Variants in IMMP2L observed in about 807,000 individuals in gnomAD.
The protein encoded by IMMP2L is mitochondrial inner membrane protease subunit 2.
Under a neutral mutation model 19.3 loss-of-function variants are expected in IMMP2L, and 18 were observed. That is an observed-to-expected ratio of 0.93 (90% CI 0.64 to 1.38). IMMP2L has a LOEUF of 1.38. Among genes scored for constraint, IMMP2L ranks in the 40% most tolerant of loss-of-function variants. IMMP2L has a pLI of 0.00. For missense variants in IMMP2L, 233 were observed against 218.2 expected (o/e 1.07, Z -0.43); for synonymous variants, 76 against 73.0 (o/e 1.04, Z -0.21).
At chr7:111,076,889 A>G (rs987599449) in intron 3 of IMMP2L, among the ~76,000 whole-genome samples, 1 of 152,190 alleles carries the variant, frequency 6.6e-6, no homozygotes, top group Non-Finnish European at 1.5e-5. Context: ...TCCTCAGGGC[A>G]AAATAAAAGG....
intron 3 of IMMP2L, among the ~76,000 whole-genome samples, chr7:111,192,019 C>G (rs1002284129): frequency 5.9e-5 from 9 of 152,008 alleles, no homozygotes; most frequent in Non-Finnish European, 1.0e-4. Flanking sequence ...TGAGAGCAAA[C>G]AGAAGTCGCA....
At chr7:110,690,333 G>A (rs1358970726) in intron 5 of IMMP2L, among the ~76,000 whole-genome samples, 1 of 152,148 alleles carries the variant, frequency 6.6e-6, no homozygotes, top group East Asian at 1.9e-4. Flanking sequence ...CTTATGGAAG[G>A]AGGAAATTTC....
intron 5 of IMMP2L, among the ~76,000 whole-genome samples, chr7:110,693,830 T>C (rs1793677692): frequency 3.3e-5 from 5 of 152,098 alleles, no homozygotes; most frequent in Admixed American, 3.3e-4. Context: ...GAAATCAGTT[T>C]TGTTTTGTTG....
At chr7:111,364,072 C>T (rs529473343) in intron 3 of IMMP2L, among the ~76,000 whole-genome samples, 1 of 152,020 alleles carries the variant, frequency 6.6e-6, no homozygotes, top group African/African-American at 2.4e-5. Flanking sequence ...TGTACTGTCA[C>T]AGCACTTACC....
chr7:111,462,273 C>T (rs1298949382), intron 3 of IMMP2L, among the ~76,000 whole-genome samples: 1 of 151,930 alleles, frequency 6.6e-6, no homozygotes, highest in Non-Finnish European at 1.5e-5. Flanking sequence ...AATCATTAAA[C>T]AAAGTAATGA....
chr7:111,002,706 A>C (rs372492581), intron 3 of IMMP2L, among the ~76,000 whole-genome samples: 1 of 152,226 alleles, frequency 6.6e-6, no homozygotes, highest in South Asian at 2.1e-4. Flanking sequence ...CCCTGATCAC[A>C]GGTTCTCCAC....
At chr7:111,363,335 C>T (rs1192001057) in intron 3 of IMMP2L, among the ~76,000 whole-genome samples, 1 of 152,016 alleles carries the variant, frequency 6.6e-6, no homozygotes, top group Non-Finnish European at 1.5e-5. Context: ...CTAATTTTAA[C>T]AAAATCTCCA....
chr7:111,291,171 G>C (rs75678276), intron 3 of IMMP2L, among the ~76,000 whole-genome samples: 2,877 of 152,220 alleles, frequency 0.019, 94 homozygotes, highest in African/African-American at 0.066. Context: ...GAAAGACACA[G>C]ATAGTATCTT....
rs921593810 is a variant in IMMP2L at position 111,233,826 on chromosome 7, CCAAA to C, written c.239+253408_239+253411del. Reference sequence around the variant, plus strand: ...ATAGTCTAATGATTATATACCTTTACCAAACAATGTCTAATGAAAGTCCAAATGT... The same window carrying C: ...ATAGTCTAATGATTATATACCTTTACCAATGTCTAATGAAAGTCCAAATGT... On this transcript the variant is annotated intron_variant, in intron 3 of 5. Coordinates refer to ENST00000405709, the MANE Select transcript of IMMP2L (RefSeq NM_032549.4). Among the ~76,000 whole-genome samples, 9 of 151,832 alleles carry C rather than the reference CCAAA, an allele frequency of 5.9e-5. 1 individual carries two copies. The highest frequency in any genetic ancestry group is 4.2e-4 in the South Asian group (2 of 4,806).
intron 5 of IMMP2L, among the ~76,000 whole-genome samples, chr7:110,823,172 T>C (rs1803188108): frequency 2.6e-5 from 4 of 152,134 alleles, no homozygotes; most frequent in Admixed American, 2.6e-4. Context: ...TAAAGAATAA[T>C]ACTGGCATGC....
chr7:111,407,858 T>C (rs1348617261), intron 3 of IMMP2L, among the ~76,000 whole-genome samples: 2 of 152,044 alleles, frequency 1.3e-5, no homozygotes, highest in Non-Finnish European at 2.9e-5. Context: ...TGGCTGATTC[T>C]TAAATTGACT....
intron 5 of IMMP2L, among the ~76,000 whole-genome samples, chr7:110,762,552 G>T (rs1798413438): frequency 6.6e-6 from 1 of 152,068 alleles, no homozygotes; most frequent in African/African-American, 2.4e-5. Flanking sequence ...TCAAAATCTT[G>T]TATTTATCCT....
intron 3 of IMMP2L, among the ~76,000 whole-genome samples, chr7:111,430,917 G>C (rs1168039925): frequency 1.3e-5 from 2 of 151,786 alleles, no homozygotes; most frequent in African/African-American, 4.9e-5. Context: ...GACCAGCCTG[G>C]ACAACATGGC....
chr7:111,186,786 A>G (rs1808314184), intron 3 of IMMP2L, among the ~76,000 whole-genome samples: 1 of 152,072 alleles, frequency 6.6e-6, no homozygotes, highest in South Asian at 2.1e-4. Context: ...TATAAAATCT[A>G]AGAATGAGTC....
At chr7:111,044,438 G>A (rs190045941) in intron 3 of IMMP2L, among the ~76,000 whole-genome samples, 6 of 152,294 alleles carry the variant, frequency 3.9e-5, no homozygotes, top group African/African-American at 1.4e-4. Context: ...ATGAGCACCT[G>A]TAATTCCAGC....
chr7:111,461,635 A>G (rs963761735), intron 3 of IMMP2L, among the ~76,000 whole-genome samples: 4 of 151,948 alleles, frequency 2.6e-5, no homozygotes, highest in South Asian at 2.1e-4. Flanking sequence ...TCCTATTGAG[A>G]TATGTTCCTG....
At chr7:111,561,528 T>TAGGGGC (rs370692492) in intron 1 of IMMP2L, among the ~76,000 whole-genome samples, 1 of 152,178 alleles carries the variant, frequency 6.6e-6, no homozygotes, top group East Asian at 1.9e-4. Flanking sequence ...GCTAATAAGA[T>TAGGGGC]AGGGGCCGGA....
intron 3 of IMMP2L, among the ~76,000 whole-genome samples, chr7:111,074,932 C>T (rs897990669): frequency 6.6e-6 from 1 of 152,008 alleles, no homozygotes; most frequent in African/African-American, 2.4e-5. Flanking sequence ...TGGCAACGTG[C>T]AAGTGACTGA....
At chr7:110,897,007 G>T (rs79680332) in intron 4 of IMMP2L, among the ~76,000 whole-genome samples, 8,650 of 151,934 alleles carry the variant, frequency 0.057, 326 homozygotes, top group Non-Finnish European at 0.08. Context: ...TATTGACAGG[G>T]TCTTACTATG....
Sources: allele counts gnomAD v4.1 joint callset (sites outside exome capture counted in the v4.1 genomes callset), GRCh38; gene constraint gnomAD v4.1.1; transcripts MANE v1.5; gene names NCBI Gene and HGNC (gene_info 2026-07-23, HGNC 2026-07-21).